The following QKI variants were observed in gnomAD, a reference collection of about 807,000 sequenced individuals.
The protein encoded by QKI is KH domain-containing RNA-binding protein QKI.
QKI carries 10 observed loss-of-function variants against 39.0 expected under a neutral mutation model. The ratio of observed to expected loss-of-function variants is 0.26; its 90% confidence interval spans 0.16 to 0.43. The LOEUF (loss-of-function observed/expected upper bound fraction) is 0.43, where lower values mean the gene tolerates loss of function less well. QKI is among the 20% of genes least tolerant of loss of function. The pLI is 1.00. For missense variants in QKI, 218 were observed against 428.0 expected, an observed-to-expected ratio of 0.51 and a Z score of 4.33; for synonymous variants, 204 against 155.4, an observed-to-expected ratio of 1.31 and a Z score of -2.33.
At chr6:163,527,307 C>T (rs1780577131) in intron 3 of QKI, among the ~76,000 whole-genome samples, 1 of 152,122 alleles carries the variant, frequency 6.6e-6, no homozygotes, top group Non-Finnish European at 1.5e-5. Context: ...TTAAACTAAT[C>T]TAAGATTATA....
At chr6:163,463,863 C>T (rs1031955580) in intron 2 of QKI, among the ~76,000 whole-genome samples, 5 of 152,106 alleles carry the variant, frequency 3.3e-5, no homozygotes, top group African/African-American at 1.2e-4. Context: ...TTGCTGCTAC[C>T]CATGTTTTCT....
chr6:163,455,166 ATTTG>A, intron 1 of QKI, 109 bp from the exon 2 acceptor site: 1 of 753,526 alleles, frequency 1.3e-6, no homozygotes, highest in Non-Finnish European at 2.0e-6. Context: ...GGAGCTCCTT[ATTTG>A]AGTTTTAATG....
At chr6:163,444,260 A>T (rs1456347835) in intron 1 of QKI, among the ~76,000 whole-genome samples, 1 of 152,216 alleles carries the variant, frequency 6.6e-6, no homozygotes, top group Non-Finnish European at 1.5e-5. Context: ...TTTAGGGCAG[A>T]TGGAAGCCAT....
At chr6:163,457,634 A>AT (rs375211921) in intron 2 of QKI, 16,729 of 268,988 alleles carry the variant, frequency 0.062, 114 homozygotes, top group South Asian at 0.094. Flanking sequence ...CACTCCTCTA[A>AT]TTTTTTTTTT....
intron 2 of QKI, among the ~76,000 whole-genome samples, chr6:163,461,191 A>G (rs1428166726): frequency 6.6e-6 from 1 of 152,126 alleles, no homozygotes; most frequent in African/African-American, 2.4e-5. Context: ...GTAAGGGTAT[A>G]TTTAGGGCCT....
rs775880175 is a variant in QKI at position 163,505,066 on chromosome 6, G to A, written c.402+26170G>A. On this transcript the variant is annotated intron_variant, in intron 3 of 7. Coordinates refer to ENST00000361752, the MANE Select transcript of QKI (RefSeq NM_006775.3). ...AAGGGCCTGAGGTACAGCTTGGGCTGTTACTTCAGAGGACACAAGCCCCAA... is the reference window on the plus strand; with the variant it reads ...AAGGGCCTGAGGTACAGCTTGGGCTATTACTTCAGAGGACACAAGCCCCAA... 1.1e-4 allele frequency among the ~76,000 whole-genome samples: 17 copies of A among 152,174 alleles called. 1 individual carries two copies. Among genetic ancestry groups the A allele is most frequent in the Admixed American group, 5.2e-4 (8 of 15,278 alleles).
rs1793302857 is a variant in QKI, at chr6:163,484,250, T to TGGTGTGTA, written c.402+5356_402+5363dup. Reference sequence around the variant, plus strand: ...CAGAGTCTCACTCTACCGCCCAGGCTGGTGTGTAGTGGTGCAATCTCAGGT... The same window carrying TGGTGTGTA: ...CAGAGTCTCACTCTACCGCCCAGGCTGGTGTGTAGGTGTGTAGTGGTGCAATCTCAGGT... On this transcript the variant is annotated intron_variant, in intron 3 of 7. Transcript: ENST00000361752. Among the ~76,000 whole-genome samples the TGGTGTGTA allele has an allele frequency of 2.0e-5, 3 of 151,760 alleles. No homozygotes were observed. The South Asian group carries it at 6.3e-4, about 32-fold the overall frequency.
In QKI at chr6:163,415,143, CCGG is replaced by C. The variant is rs751570501; in HGVS notation, c.-29_-27del. On this transcript the variant is annotated 5_prime_UTR_variant, in exon 1 of 8. Transcript: ENST00000361752. ...GCTCGCCCCCGCCCCTCCCTCCTCT[CCGG>C]CGGCGGCGGCGGCGGCGGCGGGCGG... The C allele has an allele frequency of 0.014, 16,259 of 1,193,420 alleles. 12 individuals are homozygous for C. Among genetic ancestry groups the C allele is most frequent in the South Asian group, 0.032 (2,005 of 62,134 alleles). 73.9% of individuals were successfully genotyped at this position (1,193,420 alleles called of 1,614,324 possible). A position where few individuals can be genotyped will look rare whatever the true frequency, so the allele number is the denominator to read the frequency against.
chr6:163,472,779 A>G (rs1213992219), intron 2 of QKI, among the ~76,000 whole-genome samples: 1 of 152,188 alleles, frequency 6.6e-6, no homozygotes, highest in Non-Finnish European at 1.5e-5. Flanking sequence ...GTAGATGTCA[A>G]ATTACCTTGA....
chr6:163,548,332 AC>A (rs1161915644), intron 4 of QKI, among the ~76,000 whole-genome samples: 14 of 107,990 alleles, frequency 1.3e-4, no homozygotes, highest in Non-Finnish European at 2.8e-4. Context: ...TTAACAAAGC[AC>A]TTGTTGTTTG....
intron 1 of QKI, among the ~76,000 whole-genome samples, chr6:163,424,664 G>C (rs1000007257): frequency 7.0e-6 from 1 of 142,002 alleles, no homozygotes; most frequent in Admixed American, 7.2e-5. Context: ...TTTTAATTTT[G>C]TGTGAGTCTT....
At chr6:163,515,963 A>C (rs145107266) in intron 3 of QKI, among the ~76,000 whole-genome samples, 11 of 151,812 alleles carry the variant, frequency 7.2e-5, no homozygotes, top group Admixed American at 5.2e-4. Context: ...CTGTCACCTC[A>C]TTGTGATGTA....
At chr6:163,567,372 T>C in intron 7 of QKI, 1 of 984,820 alleles carries the variant, frequency 1.0e-6, no homozygotes, top group South Asian at 4.7e-5. Context: ...GTTGGATTTT[T>C]TTATATAAAT....
intron 2 of QKI, among the ~76,000 whole-genome samples, chr6:163,466,623 G>A (rs1312078098): frequency 6.6e-6 from 1 of 152,154 alleles, no homozygotes; most frequent in Non-Finnish European, 1.5e-5. Context: ...ACACAATGGA[G>A]AAAGAATCGT....
chr6:163,517,418 T>C (rs1295766116), intron 3 of QKI, among the ~76,000 whole-genome samples: 2 of 152,012 alleles, frequency 1.3e-5, no homozygotes, highest in African/African-American at 2.4e-5. Flanking sequence ...TTGTTTTTTG[T>C]TTTGGTTTTG....
rs537980371 is a variant in QKI, at chr6:163,518,426, A to G, written c.403-16556A>G. On this transcript the variant is annotated intron_variant, in intron 3 of 7. Coordinates refer to ENST00000361752, the MANE Select transcript of QKI (RefSeq NM_006775.3). ...AGCAAAATTGGAAATCATGTTTTAC[A>G]TAGATACTGTTTTTTGTGGGTCCAT... Among the ~76,000 whole-genome samples, 85 of 152,272 alleles carry G rather than the reference A, an allele frequency of 5.6e-4. 1 individual carries two copies. The highest frequency in any genetic ancestry group is 1.8e-3 in the African/African-American group (75 of 41,576).
intron 3 of QKI, among the ~76,000 whole-genome samples, chr6:163,530,928 C>T (rs1435112283): frequency 1.3e-5 from 2 of 152,108 alleles, no homozygotes; most frequent in Non-Finnish European, 2.9e-5. Flanking sequence ...TTTTCTCCCT[C>T]TGCTTTCTTT....
chr6:163,569,466 A>G (rs982310009), intron 7 of QKI: 28 of 1,279,950 alleles, frequency 2.2e-5, no homozygotes, highest in Admixed American at 7.2e-5. Flanking sequence ...AGAAAATTCT[A>G]TCAAACCTCA....
intron 1 of QKI, among the ~76,000 whole-genome samples, chr6:163,452,190 A>G (rs1315522638): frequency 6.6e-6 from 1 of 152,232 alleles, no homozygotes; most frequent in African/African-American, 2.4e-5. Context: ...TGTTCTGAAT[A>G]ACACCAGAAT....
Sources: allele counts gnomAD v4.1 joint callset (sites outside exome capture counted in the v4.1 genomes callset), GRCh38; gene constraint gnomAD v4.1.1; transcripts MANE v1.5; gene names NCBI Gene and HGNC (gene_info 2026-07-23, HGNC 2026-07-21).